Variants in SNX5 observed in about 807,000 individuals in gnomAD.
The protein encoded by SNX5 is sorting nexin 5, also known as sorting nexin-5.
In SNX5, 31 loss-of-function variants were observed where a neutral mutation model predicts 53.9. The observed-to-expected ratio is 0.58, with a 90% confidence interval of 0.43 to 0.78. The LOEUF is 0.78. SNX5 is among the 30% of genes least tolerant of loss of function. The pLI is 0.00. For synonymous variants in SNX5, 168 were observed against 171.1 expected (o/e 0.98, Z 0.14); for missense variants, 471 against 478.8 (o/e 0.98, Z 0.15).
At chr20:17,960,198 C>T (rs917541881) in intron 1 of SNX5, among the ~76,000 whole-genome samples, 17 of 152,306 alleles carry the variant, frequency 1.1e-4, no homozygotes, top group Admixed American at 7.2e-4. Flanking sequence ...TGGTGGCTCA[C>T]GCCTGCAATC....
rs2039527821 is a variant in SNX5, at chr20:17,949,064, C to T, written c.831G>A (p.Arg277=). The stretch of plus-strand genomic sequence containing the variant: ...TGAAGACCAACACAGAAATCCTTAC[C>T]CTTAGTTTTTCAAATAGCTCAGCAA... The part of the protein sequence containing the change: ...LKVAELFEKL[R]KVEGRVSSDE... The change falls in exon 9 of 13, where the codon AGG becomes AGA. Residue 277 remains arginine (R), a splice_region_variant and synonymous_variant. Transcript: ENST00000377759. 1.2e-6 allele frequency: 2 copies of T among 1,612,850 alleles called. No individual in the cohort carries two copies. The highest frequency in any genetic ancestry group is 1.7e-6 in the Non-Finnish European group (2 of 1,179,440).
At chr20:17,967,929 G>GGC in intron 1 of SNX5, 1 of 393,040 alleles carries the variant, frequency 2.5e-6, no homozygotes, top group Non-Finnish European at 4.4e-6. Context: ...AAGTTGTTTG[G>GGC]GCCCCCCCCC....
Position 17,954,026 on chromosome 20 carries a change from T to A in SNX5, c.359A>T (p.Glu120Val), listed in dbSNP as rs2035310256. 1 of 1,613,880 alleles carries A rather than the reference T, an allele frequency of 6.2e-7. No individual in the cohort carries two copies. Among genetic ancestry groups the A allele is most frequent in the African/African-American group, 1.3e-5 (1 of 74,924 alleles). Residue 120 changes from glutamate to valine, a missense_variant, in exon 4 of 13, where the codon GAA (glutamate) becomes GTA (valine). Glu to Val is a moderately radical substitution (Grantham distance 121, BLOSUM62 -2). Transcript: ENST00000377759. Reference sequence around the variant, plus strand: ...CAGTTCTTGTTTCATCTTGGCAAATTCTTCTTTGGTCATAGACCCTTCACC... The same window carrying A: ...CAGTTCTTGTTTCATCTTGGCAAATACTTCTTTGGTCATAGACCCTTCACC... ...GEGEGSMTKEEFAKMKQELEA... is the reference protein window; with the variant it reads ...GEGEGSMTKEVFAKMKQELEA...
intron 11 of SNX5, among the ~76,000 whole-genome samples, chr20:17,946,802 G>C (rs1303306230): frequency 6.6e-6 from 1 of 152,168 alleles, no homozygotes; most frequent in Non-Finnish European, 1.5e-5. Context: ...GGTTAAAATA[G>C]TAACTACACA....
At chr20:17,943,874 A>T (rs74800417) in intron 11 of SNX5, 1 of 152,400 alleles carries the variant, frequency 6.6e-6, no homozygotes, top group African/African-American at 2.4e-5. Context: ...AACTGAAATC[A>T]GTATCTCAAT....
At chr20:17,954,481 A>C (rs546025242) in intron 3 of SNX5, among the ~76,000 whole-genome samples, 1 of 152,308 alleles carries the variant, frequency 6.6e-6, no homozygotes, top group South Asian at 2.1e-4. Flanking sequence ...ATTCCAAAGG[A>C]ATTTTTTCCT....
chr20:17,962,175 C>A, intron 1 of SNX5: 1 of 161,308 alleles, frequency 6.2e-6, no homozygotes, highest in Non-Finnish European at 1.3e-5. Context: ...GTTCAACTAA[C>A]TATAAGCAAT....
At chr20:17,958,088 A>G (rs6132012) in intron 1 of SNX5, among the ~76,000 whole-genome samples, 41,113 of 151,500 alleles carry the variant, frequency 0.27, 5,918 homozygotes, top group East Asian at 0.44. Flanking sequence ...CTTAAATAAA[A>G]GTACATTAAA....
chr20:17,957,230 T>C (rs1168191983), intron 1 of SNX5, among the ~76,000 whole-genome samples, 193 bp from the exon 2 acceptor site: 1 of 148,514 alleles, frequency 6.7e-6, no homozygotes, highest in Non-Finnish European at 1.5e-5. Context: ...GGTCAGGAGA[T>C]GGAGACCATC....
At chr20:17,965,663 CCT>C (rs1440725984) in intron 1 of SNX5, among the ~76,000 whole-genome samples, 3 of 132,116 alleles carry the variant, frequency 2.3e-5, no homozygotes, top group African/African-American at 9.4e-5. Context: ...AGAGCCAGAC[CCT>C]GTCTCAAAAA....
chr20:17,943,088 T>C (rs1457105440), intron 12 of SNX5, 22 bp downstream of exon 12: 2 of 1,482,442 alleles, frequency 1.3e-6, no homozygotes, highest in East Asian at 2.3e-5. Context: ...AGATGTTGGC[T>C]TCATCTGTAG....
At chr20:17,967,353 A>C (rs1159407447) in intron 1 of SNX5, among the ~76,000 whole-genome samples, 1 of 151,472 alleles carries the variant, frequency 6.6e-6, no homozygotes, top group Non-Finnish European at 1.5e-5. Flanking sequence ...CAAAAAAAAA[A>C]CCACTCTAAA....
chr20:17,944,141 ACTC>A (rs2039454062), intron 11 of SNX5: 1 of 152,190 alleles, frequency 6.6e-6, no homozygotes, highest in Non-Finnish European at 1.5e-5. Context: ...CTTAAGTTGA[ACTC>A]CTAGAAGTAG....
At chr20:17,962,873 G>C (rs1261419294) in intron 1 of SNX5, 5 of 517,792 alleles carry the variant, frequency 9.7e-6, no homozygotes, top group Non-Finnish European at 1.9e-5. Context: ...CAAGTTCCTA[G>C]AACAGGAACT....
chr20:17,951,842 T>G (rs571399350), intron 5 of SNX5, among the ~76,000 whole-genome samples: 1 of 152,356 alleles, frequency 6.6e-6, no homozygotes, highest in Non-Finnish European at 1.5e-5. Flanking sequence ...TCTTAGTGGC[T>G]CTGAAATCCT....
intron 1 of SNX5, chr20:17,968,168 T>C: frequency 2.4e-6 from 1 of 408,616 alleles, no homozygotes; most frequent in Non-Finnish European, 4.3e-6. Context: ...GGTTCTGTCC[T>C]AATAGAATCC....
At chr20:17,963,538 A>C (rs927012241) in intron 1 of SNX5, among the ~76,000 whole-genome samples, 4 of 152,124 alleles carry the variant, frequency 2.6e-5, no homozygotes, top group African/African-American at 9.7e-5. Flanking sequence ...CTACTACCCA[A>C]TCCCATCATG....
intron 1 of SNX5, among the ~76,000 whole-genome samples, chr20:17,964,661 A>G (rs1185916027): frequency 6.6e-6 from 1 of 152,226 alleles, no homozygotes; most frequent in East Asian, 1.9e-4. Context: ...ATTAAAAGTT[A>G]GACTGTTTCC....
At position 17,952,579 on chromosome 20, in the gene SNX5, T is replaced by A; in HGVS notation, c.513+8A>T. 1 of 1,609,944 alleles carries A rather than the reference T, an allele frequency of 6.2e-7. No homozygotes were observed. The highest frequency in any genetic ancestry group is 1.1e-5 in the South Asian group (1 of 90,196). On this transcript the variant is annotated splice_region_variant and intron_variant, in intron 5 of 12. Coordinates refer to ENST00000377759, the MANE Select transcript of SNX5 (RefSeq NM_014426.4). ...GTGGATTATCAAAATGGAATAAAAA[T>A]GCCTTACATCCTGATCATATTCCAG... is the stretch of plus-strand genomic sequence containing the variant.
Sources: gnomAD v4.1 joint callset for allele counts (sites outside exome capture counted in the v4.1 genomes callset) on GRCh38, gnomAD v4.1.1 for gene constraint, MANE v1.5 for transcripts, NCBI Gene and HGNC (gene_info 2026-07-23, HGNC 2026-07-21) for gene names.